SEMA6D: variants seen among roughly 807,000 people sequenced by gnomAD.
The protein encoded by SEMA6D is semaphorin-6D.
In SEMA6D, 35 loss-of-function variants were observed where a neutral mutation model predicts 106.6. The observed-to-expected ratio is 0.33, with a 90% CI of 0.25 to 0.44. SEMA6D has a LOEUF of 0.44. Among genes scored for constraint, SEMA6D ranks in the 20% least tolerant of loss-of-function variants. The pLI, the probability that SEMA6D is intolerant of heterozygous loss-of-function variation, is 1.00. For missense variants in SEMA6D, 1,185 were observed against 1,345.9 expected, an observed-to-expected ratio of 0.88 and a Z score of 1.87; for synonymous variants, 499 against 487.7, an observed-to-expected ratio of 1.02 and a Z score of -0.31.
intron 1 of SEMA6D, among the ~76,000 whole-genome samples, chr15:47,335,436 G>A (rs1220337268): frequency 6.6e-6 from 1 of 152,090 alleles, no homozygotes; most frequent in Non-Finnish European, 1.5e-5. Flanking sequence ...TACAGTGAGA[G>A]GAGGGACTGC....
chr15:47,655,683 G>A (rs2077778766), intron 4 of SEMA6D, among the ~76,000 whole-genome samples: 2 of 152,204 alleles, frequency 1.3e-5, no homozygotes, highest in Admixed American at 1.3e-4. Flanking sequence ...AATTATTAAT[G>A]TGTTCTTGAA....
chr15:47,646,885 T>G (rs1360042961), intron 4 of SEMA6D, among the ~76,000 whole-genome samples: 1 of 152,158 alleles, frequency 6.6e-6, no homozygotes, highest in Non-Finnish European at 1.5e-5. Context: ...AAGAACAAGA[T>G]TTTCAGAGAC....
intron 4 of SEMA6D, among the ~76,000 whole-genome samples, chr15:47,637,078 A>G (rs1338915701): frequency 1.3e-5 from 2 of 152,174 alleles, no homozygotes; most frequent in African/African-American, 4.8e-5. Flanking sequence ...CTTAGACCAC[A>G]TATTTGGCTC....
chr15:47,653,010 G>A (rs1382469483), intron 4 of SEMA6D, among the ~76,000 whole-genome samples: 1 of 152,198 alleles, frequency 6.6e-6, no homozygotes, highest in Non-Finnish European at 1.5e-5. Flanking sequence ...ATGGTGCCAA[G>A]AACTTAAGAA....
intron 3 of SEMA6D, among the ~76,000 whole-genome samples, chr15:47,597,991 G>A (rs2076570972): frequency 6.6e-6 from 1 of 151,700 alleles, no homozygotes; most frequent in Non-Finnish European, 1.5e-5. Context: ...GTGTTTCCTA[G>A]GGTAAATAAC....
intron 1 of SEMA6D, among the ~76,000 whole-genome samples, chr15:47,215,146 A>ATTTATTTATTTATTTATTTTTTATTAT (rs1595752000): frequency 1.5e-5 from 1 of 68,832 alleles, no homozygotes; most frequent in Non-Finnish European, 3.1e-5. Context: ...ATTGCATTTA[A>ATTTATTTATTTATTTATTTTTTATTAT]ATTCAAACAA....
intron 3 of SEMA6D, among the ~76,000 whole-genome samples, chr15:47,523,022 A>G (rs1322912399): frequency 6.6e-6 from 1 of 152,224 alleles, no homozygotes; most frequent in Non-Finnish European, 1.5e-5. Context: ...ATAGAAATAC[A>G]GAGCCAACCC....
chr15:47,628,585 G>A (rs888484578), intron 4 of SEMA6D, among the ~76,000 whole-genome samples: 3 of 151,840 alleles, frequency 2.0e-5, no homozygotes, highest in African/African-American at 7.3e-5. Context: ...CCATTCTCTA[G>A]TGGGATTGTT....
intron 1 of SEMA6D, among the ~76,000 whole-genome samples, chr15:47,325,281 C>G (rs981662739): frequency 6.6e-6 from 1 of 151,988 alleles, no homozygotes; most frequent in Admixed American, 6.6e-5. Context: ...TCAAGTGATT[C>G]TCCTGCCTCA....
At chr15:47,376,099 G>A (rs1021558808) in intron 1 of SEMA6D, among the ~76,000 whole-genome samples, 2 of 152,194 alleles carry the variant, frequency 1.3e-5, no homozygotes, top group Non-Finnish European at 2.9e-5. Flanking sequence ...CTTTGAAGTC[G>A]TATTAGTCTC....
chr15:47,563,665 T>C (rs2046144589), intron 3 of SEMA6D, among the ~76,000 whole-genome samples: 1 of 152,238 alleles, frequency 6.6e-6, no homozygotes, highest in Non-Finnish European at 1.5e-5. Context: ...ATCCCTTCTA[T>C]TGTCTCTTTC....
chr15:47,597,121 T>C (rs1233029130), intron 3 of SEMA6D, among the ~76,000 whole-genome samples: 3 of 151,922 alleles, frequency 2.0e-5, no homozygotes, highest in Admixed American at 6.6e-5. Flanking sequence ...GCAACAGATA[T>C]ATGAAAAAAT....
At chr15:47,513,568 A>C (rs1037808715) in intron 3 of SEMA6D, among the ~76,000 whole-genome samples, 46 of 152,168 alleles carry the variant, frequency 3.0e-4, no homozygotes, top group Non-Finnish European at 5.4e-4. Context: ...AACTCCTATT[A>C]ACAGGGTAGC....
chr15:47,246,774 A>G (rs140962023), intron 1 of SEMA6D, among the ~76,000 whole-genome samples: 2 of 152,282 alleles, frequency 1.3e-5, no homozygotes, highest in East Asian at 3.9e-4. Flanking sequence ...TCACATCTGC[A>G]AAGTTGCTTT....
chr15:47,678,051 C>T (rs2078279684), intron 4 of SEMA6D, among the ~76,000 whole-genome samples: 1 of 152,124 alleles, frequency 6.6e-6, no homozygotes, highest in Non-Finnish European at 1.5e-5. Flanking sequence ...CTGCAAATCT[C>T]AGAGCATTTG....
At chr15:47,477,955 A>C (rs2141258817) in intron 3 of SEMA6D, among the ~76,000 whole-genome samples, 1 of 152,292 alleles carries the variant, frequency 6.6e-6, no homozygotes, top group Admixed American at 6.5e-5. Flanking sequence ...TGTAGCTTGA[A>C]GTTACAGCAA....
intron 1 of SEMA6D, among the ~76,000 whole-genome samples, chr15:47,292,216 A>G (rs1000667103): frequency 1.4e-4 from 22 of 152,238 alleles, no homozygotes; most frequent in Admixed American, 9.2e-4. Context: ...GAACTGTGAT[A>G]GAAACTAAAA....
chr15:47,590,282 A>G (rs1371416272), intron 3 of SEMA6D, among the ~76,000 whole-genome samples: 1 of 152,010 alleles, frequency 6.6e-6, no homozygotes, highest in Non-Finnish European at 1.5e-5. Context: ...TCACAAGGAC[A>G]GAAAACCAAA....
chr15:47,243,563 A>G lies in SEMA6D; in HGVS notation c.-239+59145A>G, dbSNP rs950111364. Among the ~76,000 whole-genome samples the G allele has an allele frequency of 3.7e-4, 56 of 152,140 alleles. 1 individual carries two copies. The highest frequency in any genetic ancestry group is 1.5e-4 in the Non-Finnish European group (10 of 68,016). The stretch of plus-strand genomic sequence containing the variant: ...ATTCAAGTCAGTATTGTTTTGTTCA[A>G]TGTAAAACAGACAATAATAATTAGG... On this transcript the variant is annotated intron_variant, in intron 1 of 19. Coordinates refer to the SEMA6D transcript ENST00000558014.
Sources: gnomAD v4.1 joint callset for allele counts (sites outside exome capture counted in the v4.1 genomes callset) on GRCh38, gnomAD v4.1.1 for gene constraint, MANE v1.5 for transcripts, NCBI Gene and HGNC (gene_info 2026-07-23, HGNC 2026-07-21) for gene names.